Variants in POU6F2 observed in about 807,000 individuals in gnomAD.
The protein encoded by POU6F2 is POU class 6 homeobox 2, also known as POU domain, class 6, transcription factor 2.
In POU6F2, 31 loss-of-function variants were observed where a neutral mutation model predicts 71.3. That is an observed-to-expected ratio of 0.43 (90% CI 0.33 to 0.59). POU6F2 has a LOEUF of 0.59. Among genes scored for constraint, POU6F2 ranks in the 20% least tolerant of loss-of-function variants. The pLI is 0.04. For missense variants in POU6F2, 783 were observed against 856.8 expected (o/e 0.91, Z 1.07); for synonymous variants, 347 against 355.7 (o/e 0.98, Z 0.27).
intron 4 of POU6F2, among the ~76,000 whole-genome samples, chr7:39,316,547 T>G (rs908136421): frequency 1.3e-5 from 2 of 151,784 alleles, no homozygotes; most frequent in Admixed American, 1.3e-4. Context: ...CAATGTGGAG[T>G]CAAGCAGCTC....
chr7:39,049,987 T>G (rs950526226), intron 1 of POU6F2, among the ~76,000 whole-genome samples: 1 of 152,060 alleles, frequency 6.6e-6, no homozygotes, highest in African/African-American at 2.4e-5. Flanking sequence ...CTCATAATTT[T>G]TATTGAATGT....
At chr7:39,073,937 A>G (rs1355895922) in intron 1 of POU6F2, among the ~76,000 whole-genome samples, 1 of 152,258 alleles carries the variant, frequency 6.6e-6, no homozygotes, top group Non-Finnish European at 1.5e-5. Flanking sequence ...GTTTTAATTC[A>G]GAGAGAAAAT....
intron 4 of POU6F2, among the ~76,000 whole-genome samples, chr7:39,319,983 G>A (rs555277652): frequency 2.0e-5 from 3 of 152,336 alleles, no homozygotes; most frequent in East Asian, 3.9e-4. Flanking sequence ...TGTCTGATCT[G>A]AAGGCCCATA....
chr7:39,409,950 G>A (rs576341964), intron 6 of POU6F2, among the ~76,000 whole-genome samples: 11 of 152,308 alleles, frequency 7.2e-5, no homozygotes, highest in Non-Finnish European at 1.0e-4. Flanking sequence ...AACTTCAGTT[G>A]TTTTTGTAAC....
chr7:39,008,550 G>T (rs1315491235), intron 1 of POU6F2, among the ~76,000 whole-genome samples: 11 of 151,022 alleles, frequency 7.3e-5, no homozygotes, highest in African/African-American at 2.7e-4. Flanking sequence ...GTCAATTTTG[G>T]CTTTTGTTGC....
chr7:39,273,356 T>G (rs1784373208), intron 4 of POU6F2, among the ~76,000 whole-genome samples: 1 of 152,222 alleles, frequency 6.6e-6, no homozygotes, highest in South Asian at 2.1e-4. Context: ...CATGTGGATG[T>G]CATGTACCCT....
chr7:39,254,132 A>G (rs576591602), intron 4 of POU6F2, among the ~76,000 whole-genome samples: 27 of 152,306 alleles, frequency 1.8e-4, no homozygotes, highest in African/African-American at 6.3e-4. Context: ...AGCTCCAGAG[A>G]TAGGCACTGG....
intron 4 of POU6F2, 36 bp from the exon 5 acceptor site, chr7:39,339,606 G>T: frequency 6.4e-7 from 1 of 1,550,574 alleles, no homozygotes; most frequent in Non-Finnish European, 8.7e-7. Context: ...ACTTTGTCAT[G>T]TTATCTCACT....
chr7:39,376,312 G>A (rs975000039), intron 5 of POU6F2, among the ~76,000 whole-genome samples: 1 of 152,184 alleles, frequency 6.6e-6, no homozygotes, highest in Non-Finnish European at 1.5e-5. Context: ...TTTGTGGCTT[G>A]AGACTGAAAC....
Position 39,460,767 on chromosome 7 carries a change from T to C in POU6F2, c.1658+52T>C. 1 of 1,476,090 alleles carries C rather than the reference T, an allele frequency of 6.8e-7. No homozygotes were observed. The highest frequency in any genetic ancestry group is 9.0e-7 in the Non-Finnish European group (1 of 1,111,756). The allele number at this position is 1,476,090 out of a possible 1,614,324, so 91.4% of individuals were successfully genotyped here. On this transcript the variant is annotated intron_variant, in intron 9 of 9. Transcript: ENST00000518318. The surrounding 1 kb of genome is among the most constrained non-coding windows in gnomAD (Gnocchi z 4.4). The stretch of plus-strand genomic sequence containing the variant: ...TCTTCTAGCCGCCCTGGGCCTCATT[T>C]GTCCTCGCGGTTCAGCTTTTCTTCG...
intron 8 of POU6F2, among the ~76,000 whole-genome samples, chr7:39,454,720 AT>A (rs2116136392): frequency 2.2e-5 from 2 of 90,438 alleles, no homozygotes; most frequent in African/African-American, 7.6e-5. Context: ...ATATATATAT[AT>A]ATATATAAAA....
At chr7:39,330,379 G>A (rs907748586) in intron 4 of POU6F2, among the ~76,000 whole-genome samples, 5 of 152,052 alleles carry the variant, frequency 3.3e-5, no homozygotes, top group African/African-American at 1.2e-4. Context: ...TACTCTCCAC[G>A]TAGTACCCCG....
chr7:39,019,603 T>G (rs1452679118), intron 1 of POU6F2, among the ~76,000 whole-genome samples: 1 of 152,066 alleles, frequency 6.6e-6, no homozygotes, highest in Non-Finnish European at 1.5e-5. Context: ...ATGTTGGCCT[T>G]CCTGGATTGA....
intron 1 of POU6F2, among the ~76,000 whole-genome samples, chr7:39,058,556 T>TC (rs1194069760): frequency 6.6e-6 from 1 of 152,234 alleles, no homozygotes; most frequent in Non-Finnish European, 1.5e-5. Flanking sequence ...CACTCTGCAT[T>TC]CTTGTTTCCA....
At position 39,011,893 on chromosome 7, in the gene POU6F2, G is replaced by A. The variant is rs1217730746; in HGVS notation, c.105+33835G>A. ...TTGTAGGGTTTCTGCCGAGAGATCC[G>A]CTGTTCGTCTGATGGGCTTCCCTTT... On this transcript the variant is annotated intron_variant, in intron 1 of 9. Coordinates refer to ENST00000518318, the MANE Select transcript of POU6F2 (RefSeq NM_001370959.1). Among the ~76,000 whole-genome samples the A allele has an allele frequency of 7.2e-5, 11 of 151,914 alleles. No homozygotes were observed. In the South Asian group the frequency reaches 1.5e-3, roughly 20 times the overall value.
At chr7:39,174,421 G>T (rs1001622867) in intron 2 of POU6F2, among the ~76,000 whole-genome samples, 2 of 152,046 alleles carry the variant, frequency 1.3e-5, no homozygotes, top group African/African-American at 4.8e-5. Context: ...CTGTTCTTAA[G>T]GGTGACTATA....
chr7:39,348,756 T>C (rs1382594894), intron 5 of POU6F2, among the ~76,000 whole-genome samples: 1 of 152,232 alleles, frequency 6.6e-6, no homozygotes, highest in Non-Finnish European at 1.5e-5. Context: ...AAAGAAATTT[T>C]ATTAAAAACA....
intron 5 of POU6F2, among the ~76,000 whole-genome samples, chr7:39,361,796 A>G (rs909719556): frequency 6.6e-6 from 1 of 152,238 alleles, no homozygotes; most frequent in African/African-American, 2.4e-5. Context: ...AAGAGGTCAC[A>G]ATGAAATTGC....
intron 4 of POU6F2, among the ~76,000 whole-genome samples, chr7:39,303,634 T>A (rs1009496907): frequency 3.9e-5 from 6 of 152,208 alleles, no homozygotes; most frequent in Non-Finnish European, 8.8e-5. Flanking sequence ...GAGGCTAGGC[T>A]CACTTCCTTC....
Sources: allele counts gnomAD v4.1 joint callset (sites outside exome capture counted in the v4.1 genomes callset), GRCh38; gene constraint gnomAD v4.1.1; non-coding constraint Gnocchi (gnomAD v3.1); transcripts MANE v1.5; gene names NCBI Gene and HGNC (gene_info 2026-07-23, HGNC 2026-07-21).